LRP1B: variants seen among roughly 807,000 people sequenced by gnomAD.
The protein encoded by LRP1B is low-density lipoprotein receptor-related protein 1B.
In LRP1B, 217 loss-of-function variants were observed where a neutral mutation model predicts 556.6. The observed-to-expected ratio is 0.39, with a 90% CI of 0.35 to 0.44. The LOEUF (loss-of-function observed/expected upper bound fraction) is 0.44. Ranked by LOEUF, LRP1B falls within the 20% of genes least tolerant of loss-of-function variation. The probability of loss-of-function intolerance (pLI) is 1.00; values close to 1 mark genes in which losing one functional copy is unlikely to be tolerated. For synonymous variants in LRP1B, 2,047 were observed against 1,865.8 expected (o/e 1.10, Z -2.50); for missense variants, 5,053 against 5,620.8 (o/e 0.90, Z 3.23).
intron 3 of LRP1B, among the ~76,000 whole-genome samples, chr2:141,357,906 G>A (rs570935569): frequency 8.5e-5 from 13 of 152,196 alleles, no homozygotes; most frequent in African/African-American, 3.1e-4. Flanking sequence ...GGACTGTTGT[G>A]CAAAATTCAA....
intron 32 of LRP1B, among the ~76,000 whole-genome samples, chr2:140,788,756 C>T (rs1448839726): frequency 6.6e-6 from 1 of 152,158 alleles, no homozygotes. Context: ...GACTTTATTG[C>T]ATCCCCACAA....
At chr2:140,944,405 G>C (rs1250759558) in intron 20 of LRP1B, among the ~76,000 whole-genome samples, 2 of 152,016 alleles carry the variant, frequency 1.3e-5, no homozygotes, top group Non-Finnish European at 2.9e-5. Flanking sequence ...GGACTCCTTT[G>C]TAATTGATTC....
intron 43 of LRP1B, among the ~76,000 whole-genome samples, chr2:140,563,888 T>C (rs1681029136): frequency 6.6e-6 from 1 of 152,174 alleles, no homozygotes; most frequent in Non-Finnish European, 1.5e-5. Context: ...TTGAAGTAGA[T>C]GGACAGAAGC....
chr2:141,384,205 C>T (rs1023277450), intron 3 of LRP1B, among the ~76,000 whole-genome samples: 13 of 150,904 alleles, frequency 8.6e-5, no homozygotes, highest in African/African-American at 2.9e-4. Flanking sequence ...ATTTCAAAGA[C>T]GTTAAAAAGT....
At chr2:141,740,971 T>A (rs1471587587) in intron 2 of LRP1B, among the ~76,000 whole-genome samples, 1 of 152,086 alleles carries the variant, frequency 6.6e-6, no homozygotes, top group Non-Finnish European at 1.5e-5. Flanking sequence ...CCTCCGTGAG[T>A]TCAATTGTTA....
intron 1 of LRP1B, among the ~76,000 whole-genome samples, chr2:141,914,379 G>A (rs973841982): frequency 6.6e-6 from 1 of 152,104 alleles, no homozygotes; most frequent in Admixed American, 6.5e-5. Context: ...TTTTAAGTAG[G>A]TTGACTAATA....
chr2:141,819,764 A>C (rs2105727257), intron 1 of LRP1B, among the ~76,000 whole-genome samples: 1 of 152,338 alleles, frequency 6.6e-6, no homozygotes, highest in Non-Finnish European at 1.5e-5. Context: ...CAACACCAAT[A>C]AATGATAAAT....
chr2:141,064,797 T>C (rs1699434293), intron 7 of LRP1B, among the ~76,000 whole-genome samples: 1 of 151,974 alleles, frequency 6.6e-6, no homozygotes, highest in Non-Finnish European at 1.5e-5. Context: ...ATAGCTGTAT[T>C]ACAATTGGTA....
At position 141,736,580 on chromosome 2, in the gene LRP1B, A is replaced by G. The variant is rs1479891355; in HGVS notation, c.205+73699T>C. 3.9e-5 allele frequency among the ~76,000 whole-genome samples: 6 copies of G among 152,236 alleles called. No homozygotes were observed. In the East Asian group the frequency reaches 1.2e-3, roughly 30 times the overall value. Reference sequence around the variant, plus strand: ...AAGGTGTGCTTGGGGCTACCAGAACAGTGAGACAGTACATTCTGTTAAGCC... The same window carrying G: ...AAGGTGTGCTTGGGGCTACCAGAACGGTGAGACAGTACATTCTGTTAAGCC... On this transcript the variant is annotated intron_variant, in intron 2 of 90. Coordinates refer to ENST00000389484, the MANE Select transcript of LRP1B (RefSeq NM_018557.3).
At chr2:140,267,907 T>A (rs147522412) in intron 86 of LRP1B, among the ~76,000 whole-genome samples, 9 of 151,538 alleles carry the variant, frequency 5.9e-5, no homozygotes, top group African/African-American at 2.2e-4. Flanking sequence ...TTTTAAATTG[T>A]ATGATTTTGA....
intron 1 of LRP1B, among the ~76,000 whole-genome samples, chr2:142,049,941 G>A (rs1488757083): frequency 5.3e-5 from 8 of 152,018 alleles, no homozygotes; most frequent in East Asian, 1.9e-4. Flanking sequence ...CACTTCTATC[G>A]CATGGCCACC....
intron 2 of LRP1B, among the ~76,000 whole-genome samples, chr2:141,757,222 T>G (rs936032180): frequency 1.1e-4 from 16 of 152,168 alleles, no homozygotes; most frequent in Non-Finnish European, 1.6e-4. Flanking sequence ...TTTTGAATAC[T>G]CTTCTTATCG....
intron 7 of LRP1B, among the ~76,000 whole-genome samples, chr2:141,074,852 C>T (rs2104866595): frequency 6.6e-6 from 1 of 152,132 alleles, no homozygotes; most frequent in Non-Finnish European, 1.5e-5. Flanking sequence ...TAAATTATTA[C>T]TTTGTTCAGT....
chr2:140,603,464 A>G (rs953462857), intron 41 of LRP1B, among the ~76,000 whole-genome samples: 7 of 152,126 alleles, frequency 4.6e-5, no homozygotes, highest in Admixed American at 2.6e-4. Flanking sequence ...CACGCCTTTC[A>G]TCGTTCACAA....
intron 7 of LRP1B, among the ~76,000 whole-genome samples, chr2:141,127,540 C>A (rs1356675712): frequency 2.6e-5 from 4 of 152,092 alleles, no homozygotes; most frequent in Non-Finnish European, 5.9e-5. Flanking sequence ...ACATATACAC[C>A]ATGGAATACT....
intron 43 of LRP1B, among the ~76,000 whole-genome samples, chr2:140,567,943 G>A (rs116442251): frequency 2.0e-5 from 3 of 151,984 alleles, no homozygotes; most frequent in African/African-American, 4.8e-5. Context: ...CACACCCTTC[G>A]TAACCAGTAC....
chr2:141,997,676 A>G (rs1702539666), intron 1 of LRP1B, among the ~76,000 whole-genome samples: 1 of 142,568 alleles, frequency 7.0e-6, no homozygotes, highest in Non-Finnish European at 1.5e-5. Context: ...TATAGCCTTT[A>G]TGCTTTTTTT....
intron 2 of LRP1B, among the ~76,000 whole-genome samples, chr2:141,597,078 ACACAC>A (rs148087515): frequency 0.027 from 4,123 of 151,910 alleles, 198 homozygotes; most frequent in African/African-American, 0.092. Context: ...ACACACACAC[ACACAC>A]ATCTGCATTC....
chr2:141,177,842 G>C (rs1435266665), intron 7 of LRP1B, among the ~76,000 whole-genome samples: 1 of 152,156 alleles, frequency 6.6e-6, no homozygotes, highest in Non-Finnish European at 1.5e-5. Flanking sequence ...AGTTCAATTA[G>C]GACTTCTCAA....
Sources: allele counts gnomAD v4.1 joint callset (sites outside exome capture counted in the v4.1 genomes callset), GRCh38; gene constraint gnomAD v4.1.1; transcripts MANE v1.5; gene names NCBI Gene and HGNC (gene_info 2026-07-23, HGNC 2026-07-21).